ADAMTSL3: variants seen among roughly 807,000 people sequenced by gnomAD.
ADAMTSL3 encodes the protein ADAMTS like 3, also known as ADAMTS-like protein 3.
ADAMTSL3 carries 128 observed loss-of-function variants against 201.7 expected under a neutral mutation model. The observed-to-expected ratio is 0.63, with a 90% confidence interval of 0.55 to 0.73. ADAMTSL3 has a LOEUF of 0.73. ADAMTSL3 is among the 30% of genes least tolerant of loss of function. The pLI is 0.00. For missense variants in ADAMTSL3, 1,990 were observed against 2,119.6 expected (o/e 0.94, Z 1.20); for synonymous variants, 738 against 748.4 (o/e 0.99, Z 0.23).
At chr15:83,748,649 C>CAAAAAAAAAA (rs71156097) in intron 3 of ADAMTSL3, among the ~76,000 whole-genome samples, 2 of 70,514 alleles carry the variant, frequency 2.8e-5, no homozygotes, top group South Asian at 6.1e-4. Context: ...GACCCTGTCT[C>CAAAAAAAAAA]AAAAAAAAAA....
intron 15 of ADAMTSL3, among the ~76,000 whole-genome samples, chr15:83,909,089 C>T (rs1300766028): frequency 6.6e-6 from 1 of 152,206 alleles, no homozygotes. Context: ...ATTCCTGTTA[C>T]ACTTCAAATC....
At chr15:83,895,489 C>T (rs1259564532) in intron 13 of ADAMTSL3, among the ~76,000 whole-genome samples, 1 of 152,126 alleles carries the variant, frequency 6.6e-6, no homozygotes, top group Non-Finnish European at 1.5e-5. Flanking sequence ...TCTCATTCAC[C>T]ATACTTCACC....
intron 6 of ADAMTSL3, among the ~76,000 whole-genome samples, chr15:83,823,799 A>C (rs1244203984): frequency 6.6e-6 from 1 of 152,134 alleles, no homozygotes; most frequent in Non-Finnish European, 1.5e-5. Flanking sequence ...ATTAATGATG[A>C]AATTGAGGAT....
At chr15:83,862,967 A>G (rs909501867) in intron 8 of ADAMTSL3, 5 of 152,174 alleles carry the variant, frequency 3.3e-5, no homozygotes, top group African/African-American at 9.7e-5. Context: ...AGGGGTTGCA[A>G]TCCTAGTCTC....
chr15:83,681,761 AAGAG>A (rs2061478895), intron 2 of ADAMTSL3, among the ~76,000 whole-genome samples: 1 of 152,166 alleles, frequency 6.6e-6, no homozygotes, highest in South Asian at 2.1e-4. Context: ...TGGTAAGAGA[AAGAG>A]AGAGACCTCA....
At chr15:83,663,350 T>A (rs1461863348) in intron 2 of ADAMTSL3, among the ~76,000 whole-genome samples, 1 of 152,202 alleles carries the variant, frequency 6.6e-6, no homozygotes, top group African/African-American at 2.4e-5. Flanking sequence ...TTCTAATGGC[T>A]GTGTTCCATT....
chr15:83,744,500 A>G (rs955215196), intron 3 of ADAMTSL3, among the ~76,000 whole-genome samples: 10 of 152,194 alleles, frequency 6.6e-5, no homozygotes, highest in Non-Finnish European at 1.5e-4. Context: ...AATTGTATAT[A>G]TTCATGATGT....
In ADAMTSL3 at chr15:83,823,969, TCTTCTC is replaced by T. The variant is rs1386057048; in HGVS notation, c.600+3925_600+3930del. Among the ~76,000 whole-genome samples, 254 of 67,106 alleles carry T rather than the reference TCTTCTC, an allele frequency of 3.8e-3. 1 individual carries two copies. The highest frequency in any genetic ancestry group is 0.012 in the East Asian group (28 of 2,300). The allele number at this position is 67,106 out of a possible 152,430, so 44.0% of individuals were successfully genotyped here. On this transcript the variant is annotated intron_variant, in intron 6 of 29. Transcript: ENST00000286744. ...TTCTTCTTCTTCTTCTTCTTCTTCT[TCTTCTC>T]CTCCTCCTCCTCCTCCTTCTCCTTC... is the stretch of plus-strand genomic sequence containing the variant.
chr15:83,936,786 A>G (rs1016189590), intron 17 of ADAMTSL3, among the ~76,000 whole-genome samples: 16 of 151,234 alleles, frequency 1.1e-4, no homozygotes, highest in Middle Eastern at 6.8e-3. Flanking sequence ...CTCAATATCT[A>G]GAATCTGTAA....
chr15:83,838,860 G>C (rs902421037), intron 7 of ADAMTSL3, among the ~76,000 whole-genome samples: 2 of 152,114 alleles, frequency 1.3e-5, no homozygotes, highest in Non-Finnish European at 2.9e-5. Context: ...TCTGTAAAGG[G>C]ATGGATAATA....
intron 28 of ADAMTSL3, among the ~76,000 whole-genome samples, chr15:84,034,766 G>T (rs1319481356): frequency 6.6e-6 from 1 of 152,198 alleles, no homozygotes; most frequent in Non-Finnish European, 1.5e-5. Flanking sequence ...AGAATCAGCA[G>T]TTCCATCTGG....
chr15:83,914,840 T>A (rs1022530542), intron 16 of ADAMTSL3, among the ~76,000 whole-genome samples: 8 of 106,132 alleles, frequency 7.5e-5, no homozygotes, highest in African/African-American at 3.3e-4. Context: ...TTGTTTTTTG[T>A]TTGTTTGGTT....
At chr15:83,831,552 A>C (rs1179013342) in intron 6 of ADAMTSL3, among the ~76,000 whole-genome samples, 1 of 152,130 alleles carries the variant, frequency 6.6e-6, no homozygotes, top group Non-Finnish European at 1.5e-5. Context: ...TTAACTTTTG[A>C]GACAAAGTCT....
chr15:83,929,745 CACACAG>C (rs1375762794), intron 17 of ADAMTSL3, among the ~76,000 whole-genome samples: 1 of 151,074 alleles, frequency 6.6e-6, no homozygotes, highest in East Asian at 1.9e-4. Context: ...GACACACACA[CACACAG>C]AGAGACAGAG....
intron 21 of ADAMTSL3, among the ~76,000 whole-genome samples, chr15:83,987,948 C>T (rs907229845): frequency 6.6e-6 from 1 of 152,134 alleles, no homozygotes; most frequent in Non-Finnish European, 1.5e-5. Flanking sequence ...AATAAAAGAA[C>T]AAGCACTCTT....
intron 4 of ADAMTSL3, among the ~76,000 whole-genome samples, chr15:83,785,710 A>G (rs2063250756): frequency 6.6e-6 from 1 of 151,654 alleles, no homozygotes; most frequent in Non-Finnish European, 1.5e-5. Flanking sequence ...GTTCTTACCC[A>G]TTTGTTTTGG....
At chr15:83,666,845 G>GA (rs921320675) in intron 2 of ADAMTSL3, among the ~76,000 whole-genome samples, 165 of 112,552 alleles carry the variant, frequency 1.5e-3, no homozygotes, top group Non-Finnish European at 1.6e-3. Flanking sequence ...CCTGTCTCAA[G>GA]AAAAAAAAAA....
At chr15:83,860,646 A>G (rs1283051746) in intron 8 of ADAMTSL3, among the ~76,000 whole-genome samples, 1 of 152,252 alleles carries the variant, frequency 6.6e-6, no homozygotes. Flanking sequence ...TAAAAACAGA[A>G]TAAGTAAGCA....
At chr15:83,722,611 T>A (rs561130137) in intron 3 of ADAMTSL3, among the ~76,000 whole-genome samples, 36 of 152,264 alleles carry the variant, frequency 2.4e-4, no homozygotes, top group African/African-American at 7.9e-4. Context: ...ACATTACAAA[T>A]TTTAAAACAC....
Sources: allele counts gnomAD v4.1 joint callset (sites outside exome capture counted in the v4.1 genomes callset), GRCh38; gene constraint gnomAD v4.1.1; transcripts MANE v1.5; gene names NCBI Gene and HGNC (gene_info 2026-07-23, HGNC 2026-07-21).